Variants in AK7 observed in about 807,000 individuals in gnomAD.
AK7 encodes adenylate kinase 7.
Under a neutral mutation model 96.6 loss-of-function variants are expected in AK7, and 78 were observed. The ratio of observed to expected loss-of-function variants is 0.81; its 90% confidence interval spans 0.67 to 0.97. The LOEUF (loss-of-function observed/expected upper bound fraction) is 0.97. Ranked by LOEUF, AK7 falls within the 50% of genes least tolerant of loss-of-function variation. The pLI is 0.00. For synonymous variants in AK7, 302 were observed against 317.2 expected (o/e 0.95, Z 0.51); for missense variants, 855 against 887.9 (o/e 0.96, Z 0.47).
At chr14:96,487,354 A>G (rs1483383528) in intron 17 of AK7, among the ~76,000 whole-genome samples, 2 of 126,746 alleles carry the variant, frequency 1.6e-5, no homozygotes, top group African/African-American at 5.8e-5. Context: ...ACTGCACTCT[A>G]GCCTGGACGA....
chr14:96,437,247 AAGGGATGGATACCCC>A lies in AK7; in HGVS notation c.610-586_610-572del, dbSNP rs564104816. Among the ~76,000 whole-genome samples the A allele has an allele frequency of 4.0e-3, 612 of 152,300 alleles. 1 individual carries two copies. The highest frequency in any genetic ancestry group is 5.1e-3 in the Non-Finnish European group (350 of 68,012). On this transcript the variant is annotated intron_variant, in intron 5 of 17. Transcript: ENST00000267584. ...TTGTAATTCAATGGATAAATGCTTG[AAGGGATGGATACCCC>A]ATTCTCCATGTTGTGCTTATTTCAC...
chr14:96,412,226 CTTTTT>C (rs34331496), intron 4 of AK7, among the ~76,000 whole-genome samples: 10 of 120,982 alleles, frequency 8.3e-5, no homozygotes, highest in Non-Finnish European at 8.5e-5. Context: ...TTCTTTCTTT[CTTTTT>C]TTTTTTTTTT....
intron 2 of AK7, among the ~76,000 whole-genome samples, chr14:96,403,102 C>A (rs993206749): frequency 1.5e-5 from 2 of 131,356 alleles, no homozygotes; most frequent in African/African-American, 5.6e-5. Flanking sequence ...GGCAACAGAG[C>A]AAGACTCTGT....
At chr14:96,469,808 G>A (rs1250655120) in intron 12 of AK7, among the ~76,000 whole-genome samples, 1 of 151,862 alleles carries the variant, frequency 6.6e-6, no homozygotes, top group South Asian at 2.1e-4. Flanking sequence ...GAGGTGTTTT[G>A]TGTTTTGTTT....
chr14:96,488,964 T>A lies in AK7; in HGVS notation c.*621T>A, dbSNP rs1895925528. The A allele has an allele frequency of 6.6e-6, 1 of 152,112 alleles. No homozygotes were observed. Among genetic ancestry groups the A allele is most frequent in the Non-Finnish European group, 1.5e-5 (1 of 68,016 alleles). The allele number at this position is 152,112 out of a possible 1,614,324, so 9.4% of individuals were successfully genotyped here. A position where few individuals can be genotyped will look rare whatever the true frequency, so the allele number is the denominator to read the frequency against. ...TCTGCATAACAGGATAATTCCAATC[T>A]TTGTGATAAGTGAGAAGTTGCTAAA... On this transcript the variant is annotated 3_prime_UTR_variant, in exon 18 of 18. Coordinates refer to ENST00000267584, the MANE Select transcript of AK7 (RefSeq NM_152327.5).
At chr14:96,434,877 C>A (rs1892556940) in intron 5 of AK7, among the ~76,000 whole-genome samples, 1 of 152,184 alleles carries the variant, frequency 6.6e-6, no homozygotes, top group Non-Finnish European at 1.5e-5. Context: ...CCACCCCAGG[C>A]CACAAGGAGT....
chr14:96,464,411 G>A (rs7154810), intron 12 of AK7, among the ~76,000 whole-genome samples: 23,559 of 151,522 alleles, frequency 0.16, 2,478 homozygotes, highest in East Asian at 0.49. Flanking sequence ...ATAGCCAGGC[G>A]TGGTGGTGCG....
At chr14:96,394,101 T>G (rs1019691664) in intron 1 of AK7, among the ~76,000 whole-genome samples, 1 of 146,884 alleles carries the variant, frequency 6.8e-6, no homozygotes, top group African/African-American at 2.5e-5. Context: ...AGAGTGAAAC[T>G]CCATCTCAAA....
chr14:96,432,773 A>G (rs1330596096), intron 5 of AK7, among the ~76,000 whole-genome samples: 1 of 151,472 alleles, frequency 6.6e-6, no homozygotes, highest in Non-Finnish European at 1.5e-5. Flanking sequence ...TCACAAGGTC[A>G]GGAGAATGAG....
chr14:96,481,066 C>T (rs1895478437), intron 15 of AK7, among the ~76,000 whole-genome samples: 1 of 152,094 alleles, frequency 6.6e-6, no homozygotes, highest in South Asian at 2.1e-4. Context: ...CTGAGGCCAC[C>T]CCACACCCCA....
chr14:96,394,650 A>AC (rs1889953937), intron 1 of AK7, among the ~76,000 whole-genome samples: 1 of 152,152 alleles, frequency 6.6e-6, no homozygotes, highest in Non-Finnish European at 1.5e-5. Context: ...GCCTTGAACA[A>AC]CGCAGGGGTT....
chr14:96,412,222 CT>C (rs1224162162), intron 4 of AK7, among the ~76,000 whole-genome samples: 1 of 108,112 alleles, frequency 9.2e-6, no homozygotes, highest in Non-Finnish European at 1.8e-5. Flanking sequence ...TCCTTTCTTT[CT>C]TTCTTTTTTT....
At position 96,488,991 on chromosome 14, in the gene AK7, A is replaced by C. The variant is rs1895926735; in HGVS notation, c.*648A>C. ...TGTGATAAGTGAGAAGTTGCTAAAT[A>C]TTTTCAACACACTTTATAACATAGG... On this transcript the variant is annotated 3_prime_UTR_variant, in exon 18 of 18. Transcript: ENST00000267584. 1 of 152,114 alleles carries C rather than the reference A, an allele frequency of 6.6e-6. No homozygotes were observed. The highest frequency in any genetic ancestry group is 1.5e-5 in the Non-Finnish European group (1 of 68,006). 9.4% of individuals were successfully genotyped at this position (152,114 alleles called of 1,614,324 possible).
At chr14:96,455,248 G>A (rs1341364237) in intron 10 of AK7, among the ~76,000 whole-genome samples, 1 of 152,136 alleles carries the variant, frequency 6.6e-6, no homozygotes, top group Admixed American at 6.6e-5. Flanking sequence ...GCTTTGGGAG[G>A]CTGAGGCGGG....
At chr14:96,405,244 C>A (rs938569358) in intron 3 of AK7, among the ~76,000 whole-genome samples, 2 of 152,012 alleles carry the variant, frequency 1.3e-5, no homozygotes, top group African/African-American at 2.4e-5. Flanking sequence ...CTGAAGTGAC[C>A]TGATCATAGC....
At chr14:96,463,835 T>C (rs1325835605) in intron 12 of AK7, among the ~76,000 whole-genome samples, 2 of 151,212 alleles carry the variant, frequency 1.3e-5, no homozygotes, top group African/African-American at 4.9e-5. Flanking sequence ...ATGAATGCAA[T>C]TGCACTGTGA....
At position 96,487,029 on chromosome 14, in the gene AK7, C is replaced by T; in HGVS notation, c.2106C>T (p.Val702=). The T allele has an allele frequency of 1.2e-6, 2 of 1,613,980 alleles. No homozygotes were observed. The highest frequency in any genetic ancestry group is 1.7e-6 in the Non-Finnish European group (2 of 1,179,988). Reference sequence around the variant, plus strand: ...AGGGCCTGAATGAATGTTGCAACGTCCGACCCGAAGACCCTGTTGATTTTC... The same window carrying T: ...AGGGCCTGAATGAATGTTGCAACGTTCGACCCGAAGACCCTGTTGATTTTC... The part of the protein sequence containing the change: ...LIQGLNECCN[V]RPEDPVDFLA... Residue 702 remains valine, a synonymous_variant, in exon 17 of 18, where the codon GTC becomes GTT. Transcript: ENST00000267584.
At chr14:96,471,049 TA>T (rs761004137) in intron 12 of AK7, among the ~76,000 whole-genome samples, 48 of 152,248 alleles carry the variant, frequency 3.2e-4, no homozygotes, top group Admixed American at 5.2e-4. Flanking sequence ...CAAAATCACA[TA>T]TTTTTTACTT....
chr14:96,478,252 C>T (rs1895295289), intron 14 of AK7, among the ~76,000 whole-genome samples: 2 of 151,932 alleles, frequency 1.3e-5, no homozygotes, highest in Admixed American at 6.6e-5. Flanking sequence ...TAATAGATTG[C>T]ACAAAATACT....
Sources: gnomAD v4.1 joint callset for allele counts (sites outside exome capture counted in the v4.1 genomes callset) on GRCh38, gnomAD v4.1.1 for gene constraint, MANE v1.5 for transcripts, NCBI Gene and HGNC (gene_info 2026-07-23, HGNC 2026-07-21) for gene names.